DHRS9: variants seen among roughly 807,000 people sequenced by gnomAD.
DHRS9 encodes dehydrogenase/reductase SDR family member 9.
Under a neutral mutation model 26.6 loss-of-function variants are expected in DHRS9, and 18 were observed. The ratio of observed to expected loss-of-function variants is 0.68; its 90% CI spans 0.47 to 1.00. The LOEUF (loss-of-function observed/expected upper bound fraction) is 1.00. Among genes scored for constraint, DHRS9 ranks in the 50% least tolerant of loss-of-function variants. The pLI, the probability that DHRS9 is intolerant of heterozygous loss-of-function variation, is 0.00. For missense variants in DHRS9, 425 were observed against 378.7 expected (o/e 1.12, Z -1.01); for synonymous variants, 134 against 141.1 (o/e 0.95, Z 0.36).
At chr2:169,084,085 G>A (rs1684279132) in intron 3 of DHRS9, among the ~76,000 whole-genome samples, 1 of 152,082 alleles carries the variant, frequency 6.6e-6, no homozygotes, top group Non-Finnish European at 1.5e-5. Flanking sequence ...GTGAGAACAT[G>A]GGAACTTCGT....
upstream of DHRS9, among the ~76,000 whole-genome samples, chr2:169,068,990 T>C (rs1352187250): frequency 6.6e-6 from 1 of 152,218 alleles, no homozygotes; most frequent in Admixed American, 6.5e-5. Flanking sequence ...GGAGGCATCC[T>C]TTCCTATTCT....
At chr2:169,085,732 C>G (rs939654930) in intron 3 of DHRS9, among the ~76,000 whole-genome samples, 6 of 152,080 alleles carry the variant, frequency 3.9e-5, no homozygotes, top group Admixed American at 2.0e-4. Context: ...TATCCTGCAA[C>G]TTTACTGAAT....
intron 1 of DHRS9, chr2:169,070,017 A>G (rs1558948152): frequency 2.3e-6 from 2 of 864,112 alleles, no homozygotes; most frequent in South Asian, 1.1e-4. Flanking sequence ...TGCCTTCTTG[A>G]CACTATCTGT....
Position 169,091,467 on chromosome 2 carries a change from T to C in DHRS9, c.573-323T>C, listed in dbSNP as rs532021561. ...TTTCACCATAAGGTGGTTTAAGTACTGATAAGAAACCTGTTCATAACCTGA... is the reference window on the plus strand; with the variant it reads ...TTTCACCATAAGGTGGTTTAAGTACCGATAAGAAACCTGTTCATAACCTGA... On this transcript the variant is annotated intron_variant, in intron 3 of 4. Transcript: ENST00000674881. 2.3e-4 allele frequency among the ~76,000 whole-genome samples: 35 copies of C among 152,238 alleles called. 1 individual carries two copies. Among genetic ancestry groups the C allele is most frequent in the Admixed American group, 4.6e-4 (7 of 15,292 alleles).
chr2:169,091,720 T>C, intron 3 of DHRS9, 70 bp from the exon 4 acceptor site: 2 of 1,463,542 alleles, frequency 1.4e-6, no homozygotes, highest in Non-Finnish European at 1.9e-6. Flanking sequence ...CGTGAGAAAA[T>C]AGTCACTCAA....
rs1553479293 is a variant in DHRS9 at position 169,081,571 on chromosome 2, C to T, written c.-11C>T. On this transcript the variant is annotated 5_prime_UTR_variant, in exon 2 of 5. Coordinates refer to ENST00000674881, the MANE Select transcript of DHRS9 (RefSeq NM_001376924.1). ...AAGAAAGGAGTGTACCTATCACACA[C>T]AGGGGGAAAAATGCTCTTTTGGGTG... 1.2e-6 allele frequency: 2 copies of T among 1,611,774 alleles called. No homozygotes were observed. Among genetic ancestry groups the T allele is most frequent in the Admixed American group, 3.4e-5 (2 of 59,690 alleles).
chr2:169,092,039 G>A (rs1684547536), intron 4 of DHRS9, 86 bp downstream of exon 4: 3 of 1,422,186 alleles, frequency 2.1e-6, no homozygotes, highest in Non-Finnish European at 2.8e-6. Context: ...GAAATAACAA[G>A]GTTCTGAGTA....
rs542052533 is a variant in DHRS9 at position 169,081,037 on chromosome 2, T to C, written c.-59-486T>C. ...TCTTAGTGGCAACAAAAAATGCTCT[T>C]CTTCTCCTGACAGTTTGAAGATAAT... On this transcript the variant is annotated intron_variant, in intron 1 of 4. Coordinates refer to ENST00000674881, the MANE Select transcript of DHRS9 (RefSeq NM_001376924.1). 5 of 713,896 alleles carry C rather than the reference T, an allele frequency of 7.0e-6. No individual in the cohort carries two copies. The African/African-American group carries it at 7.7e-5, about 11-fold the overall frequency. 44.2% of individuals were successfully genotyped at this position (713,896 alleles called of 1,614,324 possible). A position where few individuals can be genotyped will look rare whatever the true frequency, so the allele number is the denominator to read the frequency against.
At chr2:169,073,180 G>A (rs1443782144) in intron 1 of DHRS9, among the ~76,000 whole-genome samples, 1 of 152,088 alleles carries the variant, frequency 6.6e-6, no homozygotes, top group Admixed American at 6.5e-5. Flanking sequence ...CAAGGAACTG[G>A]TAATGTAGAG....
rs200691133 is a variant in DHRS9, at chr2:169,078,815, C to CTT, written c.-59-2683_-59-2682dup. Among the ~76,000 whole-genome samples the CTT allele has an allele frequency of 2.7e-3, 302 of 110,358 alleles. 18 individuals are homozygous for CTT. The highest frequency in any genetic ancestry group is 2.7e-3 in the African/African-American group (73 of 26,658). 72.4% of individuals were successfully genotyped at this position (110,358 alleles called of 152,430 possible). A position where few individuals can be genotyped will look rare whatever the true frequency, so the allele number is the denominator to read the frequency against. On this transcript the variant is annotated intron_variant, in intron 1 of 4. Coordinates refer to ENST00000674881, the MANE Select transcript of DHRS9 (RefSeq NM_001376924.1). ...CTCTGACTTAATTTTTATCAACTGA[C>CTT]TTTTTTTTTTTTTTTTTTTTTTTTT...
intron 3 of DHRS9, among the ~76,000 whole-genome samples, chr2:169,091,383 A>G (rs1277012412): frequency 6.6e-6 from 1 of 152,254 alleles, no homozygotes; most frequent in Non-Finnish European, 1.5e-5. Context: ...TTTGTGCTGC[A>G]ATCTCCTTAT....
At chr2:169,082,844 A>G (rs995871831) in intron 2 of DHRS9, among the ~76,000 whole-genome samples, 2 of 130,584 alleles carry the variant, frequency 1.5e-5, no homozygotes, top group Admixed American at 8.7e-5. Flanking sequence ...GAACACATGG[A>G]CACAGGAAGG....
chr2:169,074,654 C>A (rs1683910900), intron 1 of DHRS9, among the ~76,000 whole-genome samples: 1 of 152,064 alleles, frequency 6.6e-6, no homozygotes, highest in Non-Finnish European at 1.5e-5. Context: ...ATGGCTCTGA[C>A]CCAGGTTGCT....
intron 3 of DHRS9, 149 bp downstream of exon 3, chr2:169,083,736 T>C: frequency 1.1e-6 from 1 of 897,874 alleles, no homozygotes; most frequent in Non-Finnish European, 1.6e-6. Context: ...TATATATTTA[T>C]GGTTATATGA....
chr2:169,077,031 G>T (rs1683983169), intron 1 of DHRS9, among the ~76,000 whole-genome samples: 1 of 152,160 alleles, frequency 6.6e-6, no homozygotes, highest in African/African-American at 2.4e-5. Flanking sequence ...TTTCAGGGGT[G>T]GCAGAGGCTG....
chr2:169,073,384 A>AT (rs1683866712), intron 1 of DHRS9, among the ~76,000 whole-genome samples: 1 of 152,230 alleles, frequency 6.6e-6, no homozygotes, highest in Non-Finnish European at 1.5e-5. Context: ...ATATTTATAG[A>AT]TCCTAGGAAA....
chr2:169,078,296 C>A (rs1046173376), intron 1 of DHRS9, among the ~76,000 whole-genome samples: 11 of 152,114 alleles, frequency 7.2e-5, no homozygotes, highest in Non-Finnish European at 1.6e-4. Flanking sequence ...CTCGTGCATG[C>A]CCCTGGTAAA....
At position 169,083,347 on chromosome 2, in the gene DHRS9, A is replaced by G. The variant is rs1359109367; in HGVS notation, c.332A>G (p.Asn111Ser). Residue 111 changes from asparagine to serine, a missense_variant, in exon 3 of 5, where the codon AAT (asparagine) becomes AGT (serine). Coordinates refer to ENST00000674881, the MANE Select transcript of DHRS9 (RefSeq NM_001376924.1). ...VGEKGLWGLI[N>S]NAGVPGVLAP... ...GTTCTAGGTCTCTGGGGTCTGATCA[A>G]TAATGCTGGTGTTCCCGGCGTGCTG... The G allele has an allele frequency of 5.0e-6, 8 of 1,614,086 alleles. No homozygotes were observed. In the East Asian group the frequency reaches 1.6e-4, roughly 31 times the overall value.
In DHRS9 at chr2:169,081,763, T is replaced by A. The variant is rs779776842; in HGVS notation, c.182T>A (p.Leu61Gln). The A allele has an allele frequency of 6.2e-7, 1 of 1,614,176 alleles. No individual in the cohort carries two copies. Among genetic ancestry groups the A allele is most frequent in the Non-Finnish European group, 8.5e-7 (1 of 1,180,010 alleles). Residue 61 changes from leucine (L) to glutamine (Q), a missense_variant, in exon 2 of 5, where the codon CTG becomes CAG. Physicochemically the swap from Leu to Gln is moderately radical, Grantham distance 113. Transcript: ENST00000674881. ...GGATTTCATGTAATCGCTGCCTGTC[T>A]GACTGAATCAGGATCAACAGCTTTA... The part of the protein sequence containing the change: ...KKGFHVIAAC[L>Q]TESGSTALKA...
Sources: allele counts gnomAD v4.1 joint callset (sites outside exome capture counted in the v4.1 genomes callset), GRCh38; gene constraint gnomAD v4.1.1; transcripts MANE v1.5; gene names NCBI Gene and HGNC (gene_info 2026-07-23, HGNC 2026-07-21).